Variants in PDE11A observed in about 807,000 individuals in gnomAD.
PDE11A encodes phosphodiesterase 11A, also known as dual 3',5'-cyclic-AMP and -GMP phosphodiesterase 11A.
Under a neutral mutation model 100.5 loss-of-function variants are expected in PDE11A, and 100 were observed. That is an observed-to-expected ratio of 1.00 (90% CI 0.85 to 1.18). The LOEUF (loss-of-function observed/expected upper bound fraction) is 1.18. PDE11A is among the 50% of genes most tolerant of loss of function. PDE11A has a pLI of 0.00. For synonymous variants in PDE11A, 381 were observed against 420.8 expected (o/e 0.91, Z 1.16); for missense variants, 1,141 against 1,152.6 (o/e 0.99, Z 0.15).
Position 177,690,329 on chromosome 2 carries a change from C to T in PDE11A, c.2345+7003G>A, listed in dbSNP as rs931260675. Among the ~76,000 whole-genome samples, 4 of 152,264 alleles carry T rather than the reference C, an allele frequency of 2.6e-5. No homozygotes were observed. In the South Asian group the frequency reaches 8.3e-4, roughly 32 times the overall value. On this transcript the variant is annotated intron_variant, in intron 15 of 19. Coordinates refer to ENST00000286063, the MANE Select transcript of PDE11A (RefSeq NM_016953.4). The stretch of plus-strand genomic sequence containing the variant: ...TGGCTTAAGTTTTGTCAGTCATTAA[C>T]ACCTTATTACTAATCAGTTTACTTT...
intron 4 of PDE11A, among the ~76,000 whole-genome samples, chr2:177,889,192 C>T (rs1009263229): frequency 1.3e-5 from 2 of 152,144 alleles, no homozygotes; most frequent in African/African-American, 4.8e-5. Context: ...ATTATAGGGT[C>T]ACATTTTCTT....
At chr2:177,732,865 C>T (rs951105496) in intron 10 of PDE11A, among the ~76,000 whole-genome samples, 3 of 152,134 alleles carry the variant, frequency 2.0e-5, no homozygotes, top group Non-Finnish European at 4.4e-5. Flanking sequence ...AAGAAAGTTC[C>T]AAGCCTTTCA....
intron 10 of PDE11A, among the ~76,000 whole-genome samples, chr2:177,763,307 G>A (rs914532920): frequency 6.6e-6 from 1 of 152,278 alleles, no homozygotes; most frequent in South Asian, 2.1e-4. Context: ...AAATTCCAAA[G>A]GCGGGCACAG....
intron 19 of PDE11A, among the ~76,000 whole-genome samples, chr2:177,631,573 GTATATATATATACACACACAT>G (rs2079942895): frequency 5.1e-5 from 1 of 19,732 alleles, no homozygotes; most frequent in Admixed American, 9.2e-4. Flanking sequence ...ATATATACAT[GTATATATATATACACACACAT>G]ATATATGTGT....
chr2:177,665,135 A>G (rs2080549510), intron 18 of PDE11A, among the ~76,000 whole-genome samples: 1 of 152,092 alleles, frequency 6.6e-6, no homozygotes, highest in South Asian at 2.1e-4. Flanking sequence ...AATGTGCTGG[A>G]GAGAGGGATA....
At chr2:178,026,555 G>A (rs1315316219) in intron 1 of PDE11A, among the ~76,000 whole-genome samples, 1 of 151,894 alleles carries the variant, frequency 6.6e-6, no homozygotes, top group Non-Finnish European at 1.5e-5. Context: ...CAGCTACTCA[G>A]GAGGCTGAGG....
intron 6 of PDE11A, among the ~76,000 whole-genome samples, chr2:177,833,552 C>T (rs956114655): frequency 6.6e-6 from 1 of 152,180 alleles, no homozygotes; most frequent in African/African-American, 2.4e-5. Flanking sequence ...CTTAAGAAAG[C>T]TGTGTGGTCT....
chr2:178,096,164 C>CTTTTTTTTTTTTTTTTTTTTTTTTTTTT lies in PDE11A; in HGVS notation c.162+8137_162+8138insAAAAAAAAAAAAAAAAAAAAAAAAAAAA, dbSNP rs1257178630. On this transcript the variant is annotated intron_variant, in intron 2 of 20. Transcript: ENST00000358450. ...TCCCCAGAAAACAGGTTTTTCTTTTCTTTTCTTTTTTTTTTTTGAGATGGA... is the reference window on the plus strand; with the variant it reads ...TCCCCAGAAAACAGGTTTTTCTTTTCTTTTTTTTTTTTTTTTTTTTTTTTTTTTTTTTCTTTTTTTTTTTTGAGATGGA... 1.9e-3 allele frequency among the ~76,000 whole-genome samples: 208 copies of CTTTTTTTTTTTTTTTTTTTTTTTTTTTT among 110,216 alleles called. 15 individuals are homozygous for CTTTTTTTTTTTTTTTTTTTTTTTTTTTT. The highest frequency in any genetic ancestry group is 4.0e-3 in the African/African-American group (114 of 28,372). The allele number at this position is 110,216 out of a possible 152,430, so 72.3% of individuals were successfully genotyped here. A position where few individuals can be genotyped will look rare whatever the true frequency, so the allele number is the denominator to read the frequency against.
rs1215036883 is a variant in PDE11A, at chr2:177,854,833, T to C, written c.1368-14450A>G. On this transcript the variant is annotated intron_variant, in intron 5 of 19. Transcript: ENST00000286063. ...AGCCACCTCCTTGCCAGAAAGGGAATAGAAATGAGCCTCTAAGGTTATCTG... is the reference window on the plus strand; with the variant it reads ...AGCCACCTCCTTGCCAGAAAGGGAACAGAAATGAGCCTCTAAGGTTATCTG... Among the ~76,000 whole-genome samples, 8 of 152,074 alleles carry C rather than the reference T, an allele frequency of 5.3e-5. No homozygotes were observed. In the East Asian group the frequency reaches 7.7e-4, roughly 15 times the overall value.
chr2:177,773,222 C>G (rs2082335757), intron 9 of PDE11A, among the ~76,000 whole-genome samples: 1 of 152,182 alleles, frequency 6.6e-6, no homozygotes, highest in South Asian at 2.1e-4. Context: ...CTATGTGGCC[C>G]AGGCTGGTCT....
intron 16 of PDE11A, among the ~76,000 whole-genome samples, chr2:177,679,544 G>C (rs1309059055): frequency 6.6e-6 from 1 of 152,072 alleles, no homozygotes; most frequent in African/African-American, 2.4e-5. Flanking sequence ...AGATCTGGGG[G>C]CTTATTAGCA....
chr2:177,688,402 C>T (rs1298640108), intron 15 of PDE11A: 1 of 152,188 alleles, frequency 6.6e-6, no homozygotes, highest in Non-Finnish European at 1.5e-5. Flanking sequence ...GTTCTGTTAG[C>T]ATCTAAATGT....
Position 178,017,794 on chromosome 2 carries a change from A to G in PDE11A, c.913-3334T>C, listed in dbSNP as rs139303826. Among the ~76,000 whole-genome samples, 4 of 152,180 alleles carry G rather than the reference A, an allele frequency of 2.6e-5. No homozygotes were observed. The East Asian group carries it at 7.8e-4, about 30-fold the overall frequency. On this transcript the variant is annotated intron_variant, in intron 1 of 19. Transcript: ENST00000286063. ...GCCAGCATGGTGAAACCTTGTCTCT[A>G]CTAAAAATACAAAAAATTAGCCGGG...
chr2:178,084,743 T>C (rs1275598454), intron 2 of PDE11A, among the ~76,000 whole-genome samples: 1 of 148,522 alleles, frequency 6.7e-6, no homozygotes. Context: ...ATGTTTATGG[T>C]AGACAGCTTT....
At chr2:177,784,675 T>C (rs1646519228) in intron 9 of PDE11A, among the ~76,000 whole-genome samples, 1 of 152,234 alleles carries the variant, frequency 6.6e-6, no homozygotes, top group South Asian at 2.1e-4. Flanking sequence ...TTGCTGGCTC[T>C]TGAATTCTTT....
At chr2:177,646,563 G>A (rs898034700) in intron 19 of PDE11A, among the ~76,000 whole-genome samples, 1 of 152,216 alleles carries the variant, frequency 6.6e-6, no homozygotes, top group Non-Finnish European at 1.5e-5. Context: ...TGAAATGTCA[G>A]TCCAGGCTTG....
chr2:178,029,030 A>C (rs2086513273), intron 1 of PDE11A, among the ~76,000 whole-genome samples: 1 of 152,184 alleles, frequency 6.6e-6, no homozygotes, highest in African/African-American at 2.4e-5. Context: ...GAAAAATTTC[A>C]TAGCTTCCAA....
chr2:177,756,517 C>T (rs1307138023), intron 10 of PDE11A, among the ~76,000 whole-genome samples: 3 of 152,170 alleles, frequency 2.0e-5, no homozygotes, highest in East Asian at 1.9e-4. Flanking sequence ...CAGTGGTTTA[C>T]GGAGTTGTTT....
At chr2:177,650,184 A>C (rs1478943836) in intron 19 of PDE11A, among the ~76,000 whole-genome samples, 1 of 152,118 alleles carries the variant, frequency 6.6e-6, no homozygotes, top group African/African-American at 2.4e-5. Flanking sequence ...AAAGCGATCG[A>C]TGTCTCCTGC....
Sources: allele counts gnomAD v4.1 joint callset (sites outside exome capture counted in the v4.1 genomes callset), GRCh38; gene constraint gnomAD v4.1.1; transcripts MANE v1.5; gene names NCBI Gene and HGNC (gene_info 2026-07-23, HGNC 2026-07-21).